SLCO4A1: variants seen among roughly 807,000 people sequenced by gnomAD.
SLCO4A1 encodes solute carrier organic anion transporter family member 4A1.
SLCO4A1 carries 51 observed loss-of-function variants against 64.6 expected under a neutral mutation model. That is an observed-to-expected ratio of 0.79 (90% CI 0.63 to 1.00). The LOEUF (loss-of-function observed/expected upper bound fraction) is 1.00, where lower values mean the gene tolerates loss of function less well. Ranked by LOEUF, SLCO4A1 falls within the 50% of genes least tolerant of loss-of-function variation. The pLI is 0.00. For synonymous variants in SLCO4A1, 471 were observed against 444.9 expected (o/e 1.06, Z -0.74); for missense variants, 919 against 980.5 (o/e 0.94, Z 0.84).
intron 1 of SLCO4A1, among the ~76,000 whole-genome samples, chr20:62,654,712 AGC>A (rs1983318281): frequency 6.6e-6 from 1 of 151,878 alleles, no homozygotes; most frequent in Non-Finnish European, 1.5e-5. Context: ...AGCTTCCAGA[AGC>A]GCCGGGGTCC....
At chr20:62,690,001 G>A (rs904025047), downstream of SLCO4A1, among the ~76,000 whole-genome samples, 2 of 152,172 alleles carry the variant, frequency 1.3e-5, no homozygotes, top group Non-Finnish European at 2.9e-5. Context: ...TGTTCACATG[G>A]GCTTCCCTGG....
intron 2 of SLCO4A1, among the ~76,000 whole-genome samples, chr20:62,678,539 T>TA (rs1175078564): frequency 6.6e-6 from 1 of 151,742 alleles, no homozygotes. Context: ...ATTCTTTTTT[T>TA]TTTTTTTTTT....
downstream of SLCO4A1, among the ~76,000 whole-genome samples, chr20:62,687,943 G>A (rs910533454): frequency 7.9e-5 from 12 of 152,168 alleles, no homozygotes; most frequent in African/African-American, 2.9e-4. Context: ...AGGCACTAGT[G>A]CCGCGCTGCA....
rs1158329444 is a variant in SLCO4A1, at chr20:62,685,468, TA to T, written n.242del. The T allele has an allele frequency of 8.1e-6, 8 of 984,268 alleles. No homozygotes were observed. The highest frequency in any genetic ancestry group is 5.2e-4 in the Middle Eastern group (1 of 1,936). The allele number at this position is 984,268 out of a possible 1,614,324, so 61.0% of individuals were successfully genotyped here. The stretch of plus-strand genomic sequence containing the variant: ...AGAAGAGAATGAATTTAGAAGGCTG[TA>T]AACCCCATCTGAGCCTTACACATAG... On this transcript the variant is annotated non_coding_transcript_exon_variant, in exon 3 of 3. Transcript: ENST00000466818. This position sits in a 1 kb window ranked among gnomAD's most constrained non-coding sequence, Gnocchi z 4.6.
Position 62,661,072 on chromosome 20 carries a change from C to T in SLCO4A1, c.1018C>T (p.Arg340Cys), listed in dbSNP as rs754650367. 46 of 1,581,694 alleles carry T rather than the reference C, an allele frequency of 2.9e-5. No homozygotes were observed. The highest frequency in any genetic ancestry group is 4.7e-5 in the East Asian group (2 of 42,832). The change falls in exon 5 of 12, where the codon CGC becomes TGC. Residue 340 changes from arginine (R) to cysteine (C), a missense_variant. By Grantham distance (180) the Arg-to-Cys change is radical. Coordinates refer to ENST00000217159, the MANE Select transcript of SLCO4A1 (RefSeq NM_016354.4). This position sits in a 1 kb window ranked among gnomAD's most constrained non-coding sequence, Gnocchi z 5.2. The part of the protein sequence containing the change: ...GYPRQLPGSQ[R>C]YAVMRAAEMH... ...ACTCTGTGCCCTTCCAGGCTCCCAG[C>T]GCTACGCGGTCATGAGAGCGGCGGA... is the stretch of plus-strand genomic sequence containing the variant.
intron 2 of SLCO4A1, among the ~76,000 whole-genome samples, chr20:62,682,934 A>G (rs1293668048): frequency 6.6e-6 from 1 of 152,230 alleles, no homozygotes; most frequent in Non-Finnish European, 1.5e-5. Context: ...TCGCCAGTCC[A>G]GGGCCACACA....
rs112761707 is a variant in SLCO4A1, at chr20:62,657,655, G to A, written c.796+405G>A. On this transcript the variant is annotated intron_variant, in intron 2 of 11. Transcript: ENST00000217159. ...AGGAGTTTGATGTGGGATAAGTGAC[G>A]AGGGACAGAGCCCCAAGGCCACACC... 3.8e-3 allele frequency among the ~76,000 whole-genome samples: 575 copies of A among 152,328 alleles called. 4 individuals carry two copies. Among genetic ancestry groups the A allele is most frequent in the African/African-American group, 0.013 (544 of 41,564 alleles).
chr20:62,648,288 C>T (rs776730622), intron 1 of SLCO4A1, among the ~76,000 whole-genome samples: 16 of 152,242 alleles, frequency 1.1e-4, no homozygotes, highest in Admixed American at 3.9e-4. Flanking sequence ...GCGTTTCTCT[C>T]GGGCTGAGAG....
Position 62,668,110 on chromosome 20 carries a change from CCTT to C in SLCO4A1, c.1740_1742del (p.Leu581del). The C allele has an allele frequency of 3.7e-6, 6 of 1,614,038 alleles. No individual in the cohort carries two copies. The highest frequency in any genetic ancestry group is 5.1e-6 in the Non-Finnish European group (6 of 1,180,042). On this transcript the variant is annotated inframe_deletion, in exon 9 of 12. Coordinates refer to ENST00000217159, the MANE Select transcript of SLCO4A1 (RefSeq NM_016354.4). ...CTTCAACTTGTCAGAGAAAGCCCCT[CCTT>C]CTGGTTTTCATATTCGTTGTAATTT...
chr20:62,681,374 C>T (rs1360182316), intron 2 of SLCO4A1, among the ~76,000 whole-genome samples: 3 of 152,128 alleles, frequency 2.0e-5, no homozygotes, highest in South Asian at 2.1e-4. Context: ...TATACTCACT[C>T]GTGTGCGTGT....
rs759260457 is a variant in SLCO4A1 at position 62,667,838 on chromosome 20, C to T, written c.1566C>T (p.Asp522=). The stretch of plus-strand genomic sequence containing the variant: ...ACTACAGCCCTGTGTGCGGCTCGGA[C>T]GGCCTCATGTACTTCTCACTGTGCC... The part of the protein sequence containing the change: ...PEHYSPVCGS[D]GLMYFSLCHA... The change falls in exon 8 of 12, where the codon GAC becomes GAT. Residue 522 remains aspartate (D), a synonymous_variant. Transcript: ENST00000217159. 5.8e-5 allele frequency: 93 copies of T among 1,613,350 alleles called. No homozygotes were observed. Among genetic ancestry groups the T allele is most frequent in the Non-Finnish European group, 7.3e-5 (86 of 1,180,048 alleles).
At chr20:62,663,613 A>G (rs1601654328) in intron 5 of SLCO4A1, 1 of 152,328 alleles carries the variant, frequency 6.6e-6, no homozygotes, top group East Asian at 1.9e-4. Context: ...CCCCTGGTCT[A>G]TGTTATGAGT....
chr20:62,654,380 C>T (rs1027503641), intron 1 of SLCO4A1, among the ~76,000 whole-genome samples: 45 of 152,322 alleles, frequency 3.0e-4, no homozygotes, highest in Non-Finnish European at 4.0e-4. Context: ...CCGGGGAACA[C>T]GGGGGGCACC....
At position 62,644,125 on chromosome 20, in the gene SLCO4A1, C is replaced by A. The variant is rs2147051877; in HGVS notation, c.-97+1572C>A. 6.6e-6 allele frequency among the ~76,000 whole-genome samples: 1 copy of A among 152,324 alleles called. No homozygotes were observed. The highest frequency in any genetic ancestry group is 1.5e-5 in the Non-Finnish European group (1 of 68,032). ...CGGTTACTGGGCCAGAGTGTCTGTTCTGGGTTGTCAGTGATCGCAGGACAC... is the reference window on the plus strand; with the variant it reads ...CGGTTACTGGGCCAGAGTGTCTGTTATGGGTTGTCAGTGATCGCAGGACAC... On this transcript the variant is annotated intron_variant, in intron 1 of 11. Coordinates refer to ENST00000217159, the MANE Select transcript of SLCO4A1 (RefSeq NM_016354.4). This position sits in a 1 kb window ranked among gnomAD's most constrained non-coding sequence, Gnocchi z 5.4.
intron 2 of SLCO4A1, among the ~76,000 whole-genome samples, chr20:62,684,604 T>C (rs540469174): frequency 1.3e-5 from 2 of 151,576 alleles, no homozygotes; most frequent in East Asian, 3.9e-4. Context: ...CTAGGGAGGG[T>C]CTTTCCCTGG....
intron 5 of SLCO4A1, chr20:62,663,217 C>A (rs1290931525): frequency 1.3e-5 from 2 of 152,228 alleles, no homozygotes; most frequent in Non-Finnish European, 2.9e-5. Context: ...CCTGTTGGGG[C>A]TCAGAGGCTA....
downstream of SLCO4A1, among the ~76,000 whole-genome samples, chr20:62,687,146 A>ACCCCCAAACAGGAGCGATGGAAAGGGCG (rs879684552): frequency 2.2e-3 from 323 of 145,014 alleles, 5 homozygotes; most frequent in African/African-American, 5.2e-3. Flanking sequence ...TGGGTGGGGC[A>ACCCCCAAACAGGAGCGATGGAAAGGGCG]CCCCCAAACA....
chr20:62,661,519 T>TC lies in SLCO4A1; in HGVS notation c.1121+348dup, dbSNP rs1984877503. On this transcript the variant is annotated intron_variant, in intron 5 of 11. Transcript: ENST00000217159. This position sits in a 1 kb window ranked among gnomAD's most constrained non-coding sequence, Gnocchi z 5.2. Reference sequence around the variant, plus strand: ...CAAATCCCTTCCACACCAGCAAGTCTCCCCGTGGCCTGTGTGTCCCGGGGT... The same window carrying TC: ...CAAATCCCTTCCACACCAGCAAGTCTCCCCCGTGGCCTGTGTGTCCCGGGGT... Among the ~76,000 whole-genome samples the TC allele has an allele frequency of 6.6e-6, 1 of 152,004 alleles. No homozygotes were observed. Among genetic ancestry groups the TC allele is most frequent in the Admixed American group, 6.6e-5 (1 of 15,264 alleles).
chr20:62,657,613 C>G (rs1355484743), intron 2 of SLCO4A1, among the ~76,000 whole-genome samples: 2 of 152,244 alleles, frequency 1.3e-5, no homozygotes, highest in African/African-American at 4.8e-5. Context: ...GGCTGGGAAC[C>G]TGGCACTTGC....
Sources: gnomAD v4.1 joint callset for allele counts (sites outside exome capture counted in the v4.1 genomes callset) on GRCh38, gnomAD v4.1.1 for gene constraint, Gnocchi (gnomAD v3.1) non-coding constraint, MANE v1.5 for transcripts, NCBI Gene and HGNC (gene_info 2026-07-23, HGNC 2026-07-21) for gene names.